The following KLHL32 variants were observed in gnomAD, a reference collection of about 807,000 sequenced individuals.
KLHL32 encodes the protein kelch like family member 32, also known as kelch-like protein 32.
In KLHL32, 35 loss-of-function variants were observed where a neutral mutation model predicts 64.8. The ratio of observed to expected loss-of-function variants is 0.54; its 90% CI spans 0.41 to 0.72. The LOEUF is 0.72. Among genes scored for constraint, KLHL32 ranks in the 30% least tolerant of loss-of-function variants. The pLI is 0.00. For missense variants in KLHL32, 589 were observed against 768.5 expected, an observed-to-expected ratio of 0.77 and a Z score of 2.76; for synonymous variants, 259 against 281.0, an observed-to-expected ratio of 0.92 and a Z score of 0.78.
intron 3 of KLHL32, among the ~76,000 whole-genome samples, chr6:96,996,559 G>A (rs1778440583): frequency 1.3e-5 from 2 of 152,094 alleles, no homozygotes; most frequent in South Asian, 4.1e-4. Context: ...TCTAGACACT[G>A]AATGAATTCG....
intron 5 of KLHL32, among the ~76,000 whole-genome samples, chr6:97,067,418 G>A (rs923713173): frequency 4.6e-5 from 7 of 152,128 alleles, no homozygotes; most frequent in African/African-American, 1.7e-4. Flanking sequence ...AGGAAAGCTG[G>A]GCAATGTATT....
chr6:96,925,140 C>G (rs908067026), intron 1 of KLHL32, 114 bp downstream of exon 1: 1 of 152,344 alleles, frequency 6.6e-6, no homozygotes, highest in Non-Finnish European at 1.5e-5. Flanking sequence ...GGGCTTGCAG[C>G]CCATGCAGCC....
At chr6:96,972,261 T>C (rs1049366912) in intron 2 of KLHL32, among the ~76,000 whole-genome samples, 2 of 152,238 alleles carry the variant, frequency 1.3e-5, no homozygotes, top group Non-Finnish European at 2.9e-5. Flanking sequence ...TATTTTGCTT[T>C]CTTTTATTCA....
chr6:97,023,448 A>G (rs1782287573), intron 3 of KLHL32, among the ~76,000 whole-genome samples: 1 of 152,160 alleles, frequency 6.6e-6, no homozygotes, highest in Non-Finnish European at 1.5e-5. Flanking sequence ...AAAACTAAAT[A>G]TATATTTTTT....
intron 3 of KLHL32, among the ~76,000 whole-genome samples, chr6:96,978,020 A>G (rs1278142855): frequency 2.6e-5 from 4 of 152,156 alleles, no homozygotes; most frequent in Non-Finnish European, 4.4e-5. Flanking sequence ...TGGATCAGCA[A>G]AACACTTCAG....
chr6:96,913,461 C>A, the KLHL32 span, among the ~76,000 whole-genome samples: 1 of 152,102 alleles, frequency 6.6e-6, no homozygotes, highest in Non-Finnish European at 1.5e-5. Flanking sequence ...AGGGGAAAAG[C>A]CCTAATTTTA....
rs1175953542 is a variant in KLHL32 at position 97,114,172 on chromosome 6, T to G, written c.1017T>G (p.His339Gln). 12 of 1,614,072 alleles carry G rather than the reference T, an allele frequency of 7.4e-6. No individual in the cohort carries two copies. The highest frequency in any genetic ancestry group is 1.6e-4 in the Middle Eastern group (1 of 6,062). The change falls in exon 7 of 11, where the codon CAT becomes CAG. Residue 339 changes from histidine (H) to glutamine (Q), a missense_variant. This residue lies in a region of KLHL32 where 226 missense variants were observed against 353.2 expected (regional missense o/e 0.64). Transcript: ENST00000369261. The stretch of plus-strand genomic sequence containing the variant: ...CCATGCCTGTGGGAAGGAGCCACCA[T>G]TGTGTGGCAGTCATGGGGGACTTCC... Reference protein sequence around the residue: ...LAPMPVGRSHHCVAVMGDFLF... With the variant: ...LAPMPVGRSHQCVAVMGDFLF...
At chr6:96,983,996 T>G (rs888079231) in intron 3 of KLHL32, among the ~76,000 whole-genome samples, 1 of 152,212 alleles carries the variant, frequency 6.6e-6, no homozygotes, top group African/African-American at 2.4e-5. Context: ...AGATCTCTCC[T>G]GCTTTCTCTT....
At chr6:96,961,456 A>G (rs1008290927) in intron 1 of KLHL32, among the ~76,000 whole-genome samples, 1 of 152,202 alleles carries the variant, frequency 6.6e-6, no homozygotes, top group African/African-American at 2.4e-5. Flanking sequence ...TATGTCATCA[A>G]GACCTATAGG....
intron 3 of KLHL32, among the ~76,000 whole-genome samples, chr6:97,013,059 CAT>C (rs1215881328): frequency 6.6e-6 from 1 of 152,116 alleles, no homozygotes; most frequent in Non-Finnish European, 1.5e-5. Flanking sequence ...AATGTCATGA[CAT>C]GTAATTTTGT....
intron 4 of KLHL32, among the ~76,000 whole-genome samples, chr6:97,049,345 A>T (rs879027069): frequency 3.3e-5 from 5 of 152,220 alleles, no homozygotes; most frequent in Non-Finnish European, 7.3e-5. Context: ...GATAACCCAG[A>T]GGGCTACTAG....
intron 3 of KLHL32, among the ~76,000 whole-genome samples, chr6:97,035,966 A>G (rs1433656501): frequency 6.6e-6 from 1 of 151,960 alleles, no homozygotes; most frequent in Non-Finnish European, 1.5e-5. Flanking sequence ...TTCATAATCT[A>G]TATCGGTTTA....
chr6:97,049,296 A>G (rs139796146), intron 4 of KLHL32, among the ~76,000 whole-genome samples: 1 of 152,346 alleles, frequency 6.6e-6, no homozygotes, highest in African/African-American at 2.4e-5. Context: ...ATTATTAAGT[A>G]AAATAAACAC....
At chr6:97,048,795 G>A (rs1395147612) in intron 4 of KLHL32, among the ~76,000 whole-genome samples, 2 of 152,166 alleles carry the variant, frequency 1.3e-5, no homozygotes, top group Non-Finnish European at 2.9e-5. Context: ...CCATTTATAT[G>A]GAGAAAGTCT....
At chr6:96,902,094 T>C in the KLHL32 span, among the ~76,000 whole-genome samples, 1 of 152,206 alleles carries the variant, frequency 6.6e-6, no homozygotes, top group African/African-American at 2.4e-5. Flanking sequence ...TTCCTTTGAG[T>C]ATATACCCAG....
At chr6:97,132,186 G>T (rs892924679) in intron 9 of KLHL32, among the ~76,000 whole-genome samples, 1 of 152,168 alleles carries the variant, frequency 6.6e-6, no homozygotes, top group African/African-American at 2.4e-5. Context: ...TCTGCCATTT[G>T]TCTTCATTTG....
chr6:97,013,568 A>G (rs546444957), intron 3 of KLHL32, among the ~76,000 whole-genome samples: 5 of 152,310 alleles, frequency 3.3e-5, no homozygotes, highest in African/African-American at 1.2e-4. Flanking sequence ...ACATACACAC[A>G]TGTACACGTG....
chr6:97,131,036 A>T, intron 9 of KLHL32, 87 bp downstream of exon 9: 1 of 1,093,332 alleles, frequency 9.1e-7, no homozygotes. Flanking sequence ...GGCATCACTA[A>T]ATATTAAGTG....
At chr6:96,928,802 A>G (rs1769488549) in intron 1 of KLHL32, among the ~76,000 whole-genome samples, 1 of 152,212 alleles carries the variant, frequency 6.6e-6, no homozygotes, top group African/African-American at 2.4e-5. Context: ...AAAAGATGTA[A>G]TCGTTTTTTT....
Sources: allele counts gnomAD v4.1 joint callset (sites outside exome capture counted in the v4.1 genomes callset), GRCh38; gene constraint gnomAD v4.1.1; regional missense constraint gnomAD v4.1.1; transcripts MANE v1.5; gene names NCBI Gene and HGNC (gene_info 2026-07-23, HGNC 2026-07-21).